The following CACNA2D2 variants were observed in gnomAD, a reference collection of about 807,000 sequenced individuals.
CACNA2D2 encodes the protein voltage-dependent calcium channel subunit alpha-2/delta-2.
A neutral mutation model predicts 166.4 loss-of-function variants in CACNA2D2; 48 were observed. That is an observed-to-expected ratio of 0.29 (90% CI 0.23 to 0.37). CACNA2D2 has a LOEUF of 0.37. Among genes scored for constraint, CACNA2D2 ranks in the 10% least tolerant of loss-of-function variants. The pLI, the probability that CACNA2D2 is intolerant of heterozygous loss-of-function variation, is 1.00. For synonymous variants in CACNA2D2, 561 were observed against 573.7 expected, an observed-to-expected ratio of 0.98 and a Z score of 0.32; for missense variants, 1,122 against 1,433.0, an observed-to-expected ratio of 0.78 and a Z score of 3.50.
In CACNA2D2 at chr3:50,380,695, A is replaced by G; in HGVS notation, c.842+53T>C. The stretch of plus-strand genomic sequence containing the variant: ...ATGGGGAGGGAGGGGAGCAGGCAGG[A>G]AAGGTGGGGAACTGAGGGGGTGTCC... On this transcript the variant is annotated intron_variant, in intron 8 of 37. Transcript: ENST00000424201. The surrounding 1 kb of genome is among the most constrained non-coding windows in gnomAD (Gnocchi z 4.9). 1.5e-6 allele frequency: 2 copies of G among 1,363,776 alleles called. No homozygotes were observed. Among genetic ancestry groups the G allele is most frequent in the Non-Finnish European group, 9.8e-7 (1 of 1,024,532 alleles). The allele number at this position is 1,363,776 out of a possible 1,614,324, so 84.5% of individuals were successfully genotyped here. A position where few individuals can be genotyped will look rare whatever the true frequency, so the allele number is the denominator to read the frequency against.
At chr3:50,431,092 CCA>C (rs1708040634) in intron 3 of CACNA2D2, among the ~76,000 whole-genome samples, 1 of 152,086 alleles carries the variant, frequency 6.6e-6, no homozygotes, top group Non-Finnish European at 1.5e-5. Flanking sequence ...GAATTCCAGC[CCA>C]GAGCAAAGGA....
chr3:50,497,917 CAGA>C (rs916036811), intron 1 of CACNA2D2, among the ~76,000 whole-genome samples: 28 of 152,036 alleles, frequency 1.8e-4, no homozygotes, highest in African/African-American at 5.3e-4. Context: ...CAGTAGGCAC[CAGA>C]AGAAGAAGAA....
At chr3:50,384,405 A>G in intron 5 of CACNA2D2, 68 bp from the exon 6 acceptor site, 18 of 1,573,160 alleles carry the variant, frequency 1.1e-5, no homozygotes, top group Non-Finnish European at 1.5e-5. Flanking sequence ...AGAGGCCTGC[A>G]AGTAGGGGCA....
At chr3:50,401,701 T>C (rs1415792877) in intron 3 of CACNA2D2, among the ~76,000 whole-genome samples, 1 of 152,162 alleles carries the variant, frequency 6.6e-6, no homozygotes, top group Non-Finnish European at 1.5e-5. Flanking sequence ...GAACGTTTTA[T>C]TTTTATTTTC....
intron 3 of CACNA2D2, among the ~76,000 whole-genome samples, chr3:50,400,873 C>T (rs1393053016): frequency 6.6e-6 from 1 of 152,218 alleles, no homozygotes; most frequent in East Asian, 1.9e-4. Flanking sequence ...CAAGGTCTCT[C>T]TATGTTGCCC....
chr3:50,400,666 T>C (rs532189453), intron 3 of CACNA2D2, among the ~76,000 whole-genome samples: 9 of 152,342 alleles, frequency 5.9e-5, no homozygotes, highest in African/African-American at 2.2e-4. Flanking sequence ...GACACGCCAG[T>C]GGCTGTGCTT....
chr3:50,432,037 G>A (rs180677325), intron 3 of CACNA2D2, among the ~76,000 whole-genome samples: 174 of 151,268 alleles, frequency 1.2e-3, no homozygotes, highest in Middle Eastern at 3.4e-3. Flanking sequence ...GTTTAGTGCC[G>A]ACTGTCCCAG....
chr3:50,480,166 G>A (rs1286091125), intron 1 of CACNA2D2, among the ~76,000 whole-genome samples: 2 of 152,172 alleles, frequency 1.3e-5, no homozygotes, highest in Non-Finnish European at 2.9e-5. Flanking sequence ...AAGAGAAACA[G>A]ACTTGTCCTG....
At chr3:50,442,373 G>A (rs1708640532) in intron 2 of CACNA2D2, among the ~76,000 whole-genome samples, 2 of 152,198 alleles carry the variant, frequency 1.3e-5, no homozygotes, top group South Asian at 2.1e-4. Flanking sequence ...ATGCTCTAGC[G>A]TAGGCTGCTG....
chr3:50,479,697 G>T (rs1184907173), intron 1 of CACNA2D2, among the ~76,000 whole-genome samples: 1 of 149,452 alleles, frequency 6.7e-6, no homozygotes, highest in Non-Finnish European at 1.5e-5. Flanking sequence ...GCCTTGGAAA[G>T]ACAACGGATG....
At chr3:50,501,799 C>T (rs1698975367) in intron 1 of CACNA2D2, among the ~76,000 whole-genome samples, 1 of 152,142 alleles carries the variant, frequency 6.6e-6, no homozygotes, top group East Asian at 1.9e-4. Context: ...TGATTGAAGT[C>T]CATTTCCATC....
In CACNA2D2 at chr3:50,364,357, G is replaced by A. The variant is rs896149204; in HGVS notation, c.*309C>T. On this transcript the variant is annotated 3_prime_UTR_variant, in exon 38 of 38. Coordinates refer to ENST00000424201, the MANE Select transcript of CACNA2D2 (RefSeq NM_006030.4). The stretch of plus-strand genomic sequence containing the variant: ...AGCCTCCAGGAAGGGCGGCAGCAGA[G>A]GCCTGGTTTTGGCACCAGTGCGTGT... The A allele has an allele frequency of 1.0e-4, 38 of 376,786 alleles. No homozygotes were observed. The highest frequency in any genetic ancestry group is 7.7e-4 in the African/African-American group (37 of 47,788). The allele number at this position is 376,786 out of a possible 1,614,324, so 23.3% of individuals were successfully genotyped here. A position where few individuals can be genotyped will look rare whatever the true frequency, so the allele number is the denominator to read the frequency against.
At chr3:50,483,920 G>A (rs1186164792) in intron 1 of CACNA2D2, among the ~76,000 whole-genome samples, 1 of 152,218 alleles carries the variant, frequency 6.6e-6, no homozygotes, top group Non-Finnish European at 1.5e-5. Flanking sequence ...CCGAGGCACA[G>A]AGCAATTGAG....
At chr3:50,374,601 C>A (rs1413761710) in intron 22 of CACNA2D2, 136 bp downstream of exon 22, 17 of 863,016 alleles carry the variant, frequency 2.0e-5, no homozygotes, top group Non-Finnish European at 3.1e-5. Context: ...CCCCAGCCTG[C>A]GGGCACCTGA....
intron 3 of CACNA2D2, among the ~76,000 whole-genome samples, chr3:50,430,130 G>T (rs903216998): frequency 3.3e-5 from 5 of 152,192 alleles, no homozygotes; most frequent in African/African-American, 1.2e-4. Context: ...GGAGGCAAAA[G>T]GGCCTCCCGG....
chr3:50,418,661 C>T (rs756709580), intron 3 of CACNA2D2, among the ~76,000 whole-genome samples: 3 of 152,240 alleles, frequency 2.0e-5, no homozygotes, highest in African/African-American at 7.2e-5. Flanking sequence ...CTCCACAGGG[C>T]CATGGCCGCC....
intron 4 of CACNA2D2, among the ~76,000 whole-genome samples, chr3:50,392,873 T>C (rs895081890): frequency 3.3e-5 from 5 of 152,140 alleles, no homozygotes; most frequent in Admixed American, 3.3e-4. Flanking sequence ...GGGGACTGGT[T>C]TGGGGAGTAA....
intron 2 of CACNA2D2, among the ~76,000 whole-genome samples, chr3:50,456,824 C>G (rs868303211): frequency 7.2e-5 from 11 of 152,180 alleles, no homozygotes; most frequent in Admixed American, 2.0e-4. Flanking sequence ...CTGGAAAGGT[C>G]AGAGGAGGCA....
At chr3:50,460,353 A>C (rs1269789807) in intron 2 of CACNA2D2, among the ~76,000 whole-genome samples, 1 of 152,234 alleles carries the variant, frequency 6.6e-6, no homozygotes, top group African/African-American at 2.4e-5. Flanking sequence ...AACTTAAAGG[A>C]AACTGGACAA....
Sources: gnomAD v4.1 joint callset for allele counts (sites outside exome capture counted in the v4.1 genomes callset) on GRCh38, gnomAD v4.1.1 for gene constraint, Gnocchi (gnomAD v3.1) non-coding constraint, MANE v1.5 for transcripts, NCBI Gene and HGNC (gene_info 2026-07-23, HGNC 2026-07-21) for gene names.